Variants in TRIM58 observed in about 807,000 individuals in gnomAD.
TRIM58 encodes tripartite motif containing 58.
TRIM58 carries 38 observed loss-of-function variants against 34.1 expected under a neutral mutation model. The ratio of observed to expected loss-of-function variants is 1.12; its 90% CI spans 0.86 to 1.46. TRIM58 has a LOEUF of 1.46. Among genes scored for constraint, TRIM58 ranks in the 40% most tolerant of loss-of-function variants. TRIM58 has a pLI of 0.00. For missense variants in TRIM58, 677 were observed against 642.0 expected (o/e 1.05, Z -0.59); for synonymous variants, 273 against 275.7 (o/e 0.99, Z 0.10).
At position 247,876,442 on chromosome 1, in the gene TRIM58, A is replaced by G; in HGVS notation, c.1414A>G (p.Arg472Gly). ...AGCAGGGTCAGGAAATTGGGCATCC[A>G]GGGATCATTTAGATCCTGCTTCTGA... ...TIAGSGNWAS[R>G]DHLDPASDVR... The change falls in exon 6 of 6, where the codon AGG becomes GGG. Residue 472 changes from arginine (R) to glycine (G), a missense_variant. By Grantham distance (125) the Arg-to-Gly change is moderately radical. Coordinates refer to ENST00000366481, the MANE Select transcript of TRIM58 (RefSeq NM_015431.4). The G allele has an allele frequency of 6.8e-6, 11 of 1,614,184 alleles. No individual in the cohort carries two copies. Among genetic ancestry groups the G allele is most frequent in the Non-Finnish European group, 8.5e-6 (10 of 1,180,020 alleles).
At chr1:247,863,955 C>T (rs72772798) in intron 2 of TRIM58, among the ~76,000 whole-genome samples, 6,185 of 152,216 alleles carry the variant, frequency 0.041, 175 homozygotes, top group Non-Finnish European at 0.061. Flanking sequence ...TATTATGAAA[C>T]AGCATTCATA....
At position 247,866,606 on chromosome 1, in the gene TRIM58, A is replaced by G. The variant is rs1663932576; in HGVS notation, c.748-1239A>G. 1.3e-5 allele frequency among the ~76,000 whole-genome samples: 2 copies of G among 152,050 alleles called. 1 individual carries two copies. The highest frequency in any genetic ancestry group is 2.9e-5 in the Non-Finnish European group (2 of 68,002). On this transcript the variant is annotated intron_variant, in intron 3 of 5. Coordinates refer to ENST00000366481, the MANE Select transcript of TRIM58 (RefSeq NM_015431.4). ...TATTCTTAAATAAGGTATCTTATCTATCTATTTTTCTAAAAGGGCAGGATC... is the reference window on the plus strand; with the variant it reads ...TATTCTTAAATAAGGTATCTTATCTGTCTATTTTTCTAAAAGGGCAGGATC...
Position 247,857,266 on chromosome 1 carries a change from GGGAGCGGC to G in TRIM58, c.21_28del (p.Glu8AlafsTer177). On this transcript the variant is annotated frameshift_variant, in exon 1 of 6. Coordinates refer to ENST00000366481, the MANE Select transcript of TRIM58 (RefSeq NM_015431.4). LOFTEE classifies it high-confidence loss of function. ...CGGGTCATGGCCTGGGCGCCGCCCG[GGGAGCGGC>G]TGCGCGAGGATGCGCGGTGCCCGGT... 1 of 1,347,240 alleles carries G rather than the reference GGGAGCGGC, an allele frequency of 7.4e-7. No individual in the cohort carries two copies. The highest frequency in any genetic ancestry group is 2.0e-5 in the South Asian group (1 of 51,022). 83.5% of individuals were successfully genotyped at this position (1,347,240 alleles called of 1,614,324 possible). A position where few individuals can be genotyped will look rare whatever the true frequency, so the allele number is the denominator to read the frequency against.
rs147689395 is a variant in TRIM58 at position 247,875,988 on chromosome 1, G to A, written c.960G>A (p.Arg320=). The change falls in exon 6 of 6, where the codon AGG becomes AGA. Residue 320 remains arginine (R), a synonymous_variant. Coordinates refer to ENST00000366481, the MANE Select transcript of TRIM58 (RefSeq NM_015431.4). ...GTGTGCAGGATGGAGAACCATGGAG[G>A]GATGTCCCCAACAACCCTGAGCGAT... ...LRSVQDGEPW[R]DVPNNPERFD... is the part of the protein sequence containing the mutation. The A allele has an allele frequency of 9.0e-5, 146 of 1,614,218 alleles. No homozygotes were observed. In the African/African-American group the frequency reaches 1.7e-3, roughly 19 times the overall value.
intron 1 of TRIM58, among the ~76,000 whole-genome samples, chr1:247,859,520 G>T (rs1663729276): frequency 6.6e-6 from 1 of 152,020 alleles, no homozygotes; most frequent in Non-Finnish European, 1.5e-5. Context: ...GTATCTTTGT[G>T]AGTATTTAAA....
At chr1:247,864,678 A>G (rs777454412) in intron 2 of TRIM58, 27 bp from the exon 3 acceptor site, 12 of 1,610,868 alleles carry the variant, frequency 7.4e-6, no homozygotes, top group Non-Finnish European at 1.0e-5. Flanking sequence ...CCAAGCACTG[A>G]CGATGTGATC....
Position 247,860,721 on chromosome 1 carries a change from A to G in TRIM58, c.516+9A>G. 3 of 1,606,020 alleles carry G rather than the reference A, an allele frequency of 1.9e-6. No homozygotes were observed. Among genetic ancestry groups the G allele is most frequent in the Non-Finnish European group, 2.6e-6 (3 of 1,172,918 alleles). ...AGACTGTCATTTGGAAGGTAAGACC[A>G]TGTTGGGGCTTTAGGAGGCTTGCCT... On this transcript the variant is annotated intron_variant, in intron 2 of 5. Coordinates refer to ENST00000366481, the MANE Select transcript of TRIM58 (RefSeq NM_015431.4).
rs372201688 is a variant in TRIM58 at position 247,868,014 on chromosome 1, G to A, written c.822G>A (p.Lys274=). Residue 274 remains lysine (K), a synonymous_variant, in exon 5 of 6, where the codon AAG becomes AAA. Transcript: ENST00000366481. ...LEAENIPMEL[K]TACCIPGRRE... is the part of the protein sequence containing the mutation. ...CAGAGAACATCCCCATGGAACTGAA[G>A]ACAGCATGCTGCATCCCTGGGAGGA... 174 of 1,612,160 alleles carry A rather than the reference G, an allele frequency of 1.1e-4. No individual in the cohort carries two copies. The highest frequency in any genetic ancestry group is 1.4e-4 in the Non-Finnish European group (171 of 1,179,552).
At chr1:247,864,128 A>G (rs1158961247) in intron 2 of TRIM58, among the ~76,000 whole-genome samples, 3 of 152,028 alleles carry the variant, frequency 2.0e-5, no homozygotes, top group Non-Finnish European at 4.4e-5. Flanking sequence ...TTTAGCTGTA[A>G]TCCACATACT....
At chr1:247,875,657 G>T (rs1033896335) in intron 5 of TRIM58, among the ~76,000 whole-genome samples, 1 of 151,564 alleles carries the variant, frequency 6.6e-6, no homozygotes, top group Non-Finnish European at 1.5e-5. Flanking sequence ...TTTTTTTTGG[G>T]AAAGTTAAAG....
chr1:247,869,570 C>G (rs751018004), intron 5 of TRIM58, among the ~76,000 whole-genome samples: 1 of 152,210 alleles, frequency 6.6e-6, no homozygotes, highest in Non-Finnish European at 1.5e-5. Context: ...ATATACTTCC[C>G]AGTGTCATAG....
At position 247,875,987 on chromosome 1, in the gene TRIM58, G is replaced by A. The variant is rs1225478844; in HGVS notation, c.959G>A (p.Arg320Lys). 2.2e-5 allele frequency: 36 copies of A among 1,614,250 alleles called. No individual in the cohort carries two copies. Among genetic ancestry groups the A allele is most frequent in the Non-Finnish European group, 3.0e-5 (35 of 1,180,048 alleles). The change falls in exon 6 of 6, where the codon AGG becomes AAG. Residue 320 changes from arginine to lysine, a missense_variant. Transcript: ENST00000366481. The stretch of plus-strand genomic sequence containing the variant: ...AGTGTGCAGGATGGAGAACCATGGA[G>A]GGATGTCCCCAACAACCCTGAGCGA... ...LRSVQDGEPWRDVPNNPERFD... is the reference protein window; with the variant it reads ...LRSVQDGEPWKDVPNNPERFD...
At chr1:247,862,082 C>T (rs138016023) in intron 2 of TRIM58, among the ~76,000 whole-genome samples, 3,977 of 152,074 alleles carry the variant, frequency 0.026, 175 homozygotes, top group African/African-American at 0.091. Flanking sequence ...GAGCTGAGAT[C>T]GTGCCATTGC....
At position 247,876,327 on chromosome 1, in the gene TRIM58, C is replaced by G. The variant is rs1659285815; in HGVS notation, c.1299C>G (p.Ile433Met). Residue 433 changes from isoleucine to methionine, a missense_variant, in exon 6 of 6, where the codon ATC becomes ATG. Physicochemically the swap from Ile to Met is conservative, Grantham distance 10. Coordinates refer to ENST00000366481, the MANE Select transcript of TRIM58 (RefSeq NM_015431.4). ...SFYNVTDGSY[I>M]YTFNQLFSGL... The stretch of plus-strand genomic sequence containing the variant: ...ACAATGTCACAGATGGATCTTATAT[C>G]TACACATTCAACCAACTCTTCTCTG... 6.2e-7 allele frequency: 1 copy of G among 1,614,056 alleles called. No individual in the cohort carries two copies. Among genetic ancestry groups the G allele is most frequent in the South Asian group, 1.1e-5 (1 of 91,088 alleles).
chr1:247,860,230 A>G (rs150699179), intron 1 of TRIM58, among the ~76,000 whole-genome samples: 1 of 152,302 alleles, frequency 6.6e-6, no homozygotes, highest in East Asian at 1.9e-4. Context: ...TTGGAAGGCC[A>G]AGATGGGAGA....
At chr1:247,871,916 C>A (rs777308711) in intron 5 of TRIM58, among the ~76,000 whole-genome samples, 1 of 152,102 alleles carries the variant, frequency 6.6e-6, no homozygotes, top group Non-Finnish European at 1.5e-5. Context: ...AATAAGGTGA[C>A]CAGGAAAGAC....
rs760825512 is a variant in TRIM58 at position 247,876,358 on chromosome 1, C to T, written c.1330C>T (p.Leu444Phe). 6.2e-7 allele frequency: 1 copy of T among 1,614,208 alleles called. No homozygotes were observed. Among genetic ancestry groups the T allele is most frequent in the East Asian group, 2.2e-5 (1 of 44,892 alleles). The change falls in exon 6 of 6, where the codon CTT (leucine) becomes TTT (phenylalanine). Residue 444 changes from leucine (L) to phenylalanine (F), a missense_variant. Leu to Phe is a conservative substitution (Grantham distance 22). Coordinates refer to ENST00000366481, the MANE Select transcript of TRIM58 (RefSeq NM_015431.4). ...YTFNQLFSGLLRPYFFICDAT... is the reference protein window; with the variant it reads ...YTFNQLFSGLFRPYFFICDAT... Reference sequence around the variant, plus strand: ...ATTCAACCAACTCTTCTCTGGTCTTCTTCGGCCTTACTTTTTCATCTGTGA... The same window carrying T: ...ATTCAACCAACTCTTCTCTGGTCTTTTTCGGCCTTACTTTTTCATCTGTGA...
intron 2 of TRIM58, among the ~76,000 whole-genome samples, chr1:247,862,623 A>T (rs1167500580): frequency 6.6e-6 from 1 of 152,222 alleles, no homozygotes; most frequent in African/African-American, 2.4e-5. Context: ...CCATAGATCT[A>T]TAAAATCAGA....
chr1:247,865,484 C>A (rs1663897859), intron 3 of TRIM58, among the ~76,000 whole-genome samples: 1 of 152,078 alleles, frequency 6.6e-6, no homozygotes, highest in African/African-American at 2.4e-5. Context: ...TGTCACTGGC[C>A]AGAAGGATGA....
Sources: gnomAD v4.1 joint callset for allele counts (sites outside exome capture counted in the v4.1 genomes callset) on GRCh38, gnomAD v4.1.1 for gene constraint, MANE v1.5 for transcripts, NCBI Gene and HGNC (gene_info 2026-07-23, HGNC 2026-07-21) for gene names.